The following CUL5 variants were observed in gnomAD, a reference collection of about 807,000 sequenced individuals.
CUL5 encodes the protein cullin-5.
CUL5 carries 26 observed loss-of-function variants against 108.8 expected under a neutral mutation model. That is an observed-to-expected ratio of 0.24 (90% confidence interval 0.18 to 0.33). The LOEUF is 0.33. Ranked by LOEUF, CUL5 falls within the 10% of genes least tolerant of loss-of-function variation. The pLI, the probability that CUL5 is intolerant of heterozygous loss-of-function variation, is 1.00. For missense variants in CUL5, 524 were observed against 909.2 expected, an observed-to-expected ratio of 0.58 and a Z score of 5.45; for synonymous variants, 334 against 298.0, an observed-to-expected ratio of 1.12 and a Z score of -1.25.
rs1465665144 is a variant in CUL5, at chr11:108,008,954, T to G, written c.-395T>G. 1 of 206,320 alleles carries G rather than the reference T, an allele frequency of 4.8e-6. No individual in the cohort carries two copies. The highest frequency in any genetic ancestry group is 9.8e-6 in the Non-Finnish European group (1 of 102,080). 12.8% of individuals were successfully genotyped at this position (206,320 alleles called of 1,614,324 possible). ...GCCGCGGAACCTGAGCTGCGGGGCC[T>G]AAGCCGAGCTAAATTCGTTGCAGGT... On this transcript the variant is annotated 5_prime_UTR_variant, in exon 1 of 19. Coordinates refer to ENST00000393094, the MANE Select transcript of CUL5 (RefSeq NM_003478.6).
chr11:108,072,586 T>TG (rs1411089710), intron 9 of CUL5, 124 bp downstream of exon 9: 12 of 707,938 alleles, frequency 1.7e-5, no homozygotes, highest in Non-Finnish European at 2.5e-5. Flanking sequence ...GGTTGGTTAG[T>TG]GGGGTATAAA....
At chr11:108,025,917 G>A (rs1862441928) in intron 1 of CUL5, among the ~76,000 whole-genome samples, 2 of 152,114 alleles carry the variant, frequency 1.3e-5, no homozygotes, top group South Asian at 2.1e-4. Context: ...CAGTATGTTT[G>A]GACATTTGTA....
At chr11:108,059,710 C>T (rs1565251438) in intron 7 of CUL5, among the ~76,000 whole-genome samples, 1 of 151,614 alleles carries the variant, frequency 6.6e-6, no homozygotes, top group Non-Finnish European at 1.5e-5. Flanking sequence ...AACCCTGTCT[C>T]TACTAAAAAA....
chr11:108,065,381 A>G (rs1216018569), intron 7 of CUL5, among the ~76,000 whole-genome samples: 1 of 152,162 alleles, frequency 6.6e-6, no homozygotes, highest in East Asian at 1.9e-4. Context: ...TAGAAGTTAC[A>G]GTCCTTGTGG....
chr11:108,067,527 C>A (rs1482091177), intron 7 of CUL5, among the ~76,000 whole-genome samples: 10 of 151,838 alleles, frequency 6.6e-5, no homozygotes, highest in Admixed American at 6.6e-4. Context: ...ATTTTTTGTT[C>A]TGTCCTATGT....
chr11:108,102,769 A>G (rs1297111211), intron 18 of CUL5, among the ~76,000 whole-genome samples: 1 of 152,136 alleles, frequency 6.6e-6, no homozygotes, highest in Admixed American at 6.5e-5. Context: ...CTATTTTGAC[A>G]TTTCTTTTAC....
intron 10 of CUL5, among the ~76,000 whole-genome samples, chr11:108,074,383 C>T (rs921659764): frequency 8.6e-5 from 13 of 151,458 alleles, no homozygotes; most frequent in African/African-American, 2.4e-4. Flanking sequence ...TTACTACAGA[C>T]GGGGTTTCAC....
chr11:108,041,576 C>T (rs1199192351), intron 2 of CUL5, among the ~76,000 whole-genome samples: 1 of 151,412 alleles, frequency 6.6e-6, no homozygotes, highest in Non-Finnish European at 1.5e-5. Flanking sequence ...ATGCCCACAC[C>T]CGGCCTGGTT....
At chr11:108,061,827 G>A (rs763016270) in intron 7 of CUL5, among the ~76,000 whole-genome samples, 2 of 152,140 alleles carry the variant, frequency 1.3e-5, no homozygotes, top group Non-Finnish European at 2.9e-5. Flanking sequence ...TGGCCTGGGA[G>A]TCCTCAGGAA....
At chr11:108,087,447 T>A (rs548449275) in intron 11 of CUL5, among the ~76,000 whole-genome samples, 1 of 152,320 alleles carries the variant, frequency 6.6e-6, no homozygotes. Flanking sequence ...TTTACATATA[T>A]TTTTAGAGAA....
chr11:108,074,840 T>C (rs1023504448), intron 10 of CUL5, among the ~76,000 whole-genome samples: 1 of 151,620 alleles, frequency 6.6e-6, no homozygotes, highest in Non-Finnish European at 1.5e-5. Context: ...AACAAATAAG[T>C]AGGTAAAGTA....
intron 3 of CUL5, 98 bp downstream of exon 3, chr11:108,046,467 A>T (rs1224731025): frequency 1.6e-6 from 1 of 640,956 alleles, no homozygotes; most frequent in East Asian, 2.9e-5. Context: ...GTAATTTCAA[A>T]ATATTGCATT....
intron 4 of CUL5, among the ~76,000 whole-genome samples, chr11:108,050,587 C>T (rs1278405627): frequency 2.0e-5 from 3 of 152,222 alleles, no homozygotes; most frequent in South Asian, 2.1e-4. Flanking sequence ...AGGCTCGTCT[C>T]GAACTCCTGA....
At chr11:108,018,726 C>T (rs182637241) in intron 1 of CUL5, among the ~76,000 whole-genome samples, 23 of 152,052 alleles carry the variant, frequency 1.5e-4, no homozygotes, top group African/African-American at 5.1e-4. Context: ...ATGTGGCACC[C>T]GCACACATTT....
At chr11:108,076,120 C>T (rs972824160) in intron 10 of CUL5, among the ~76,000 whole-genome samples, 4 of 152,126 alleles carry the variant, frequency 2.6e-5, no homozygotes, top group Admixed American at 6.6e-5. Flanking sequence ...GAGCTTCGAC[C>T]CCTCTGGGCT....
rs118044691 is a variant in CUL5 at position 108,040,470 on chromosome 11, G to A, written c.135-5800G>A. 4.1e-3 allele frequency among the ~76,000 whole-genome samples: 620 copies of A among 152,214 alleles called. 4 individuals are homozygous for A. Among genetic ancestry groups the A allele is most frequent in the Middle Eastern group, 0.017 (5 of 294 alleles). ...TTACTAAAAATACAAAAATCGGCTG[G>A]GTGTGGTGTTGTGCACCTGTAATCC... On this transcript the variant is annotated intron_variant, in intron 2 of 18. Transcript: ENST00000393094.
chr11:108,028,547 T>C (rs1466858264), intron 1 of CUL5, among the ~76,000 whole-genome samples: 1 of 152,122 alleles, frequency 6.6e-6, no homozygotes, highest in Non-Finnish European at 1.5e-5. Flanking sequence ...AATAAGATTA[T>C]GACACTTCAG....
At chr11:108,073,082 G>C (rs1030322215) in intron 9 of CUL5, among the ~76,000 whole-genome samples, 1 of 151,772 alleles carries the variant, frequency 6.6e-6, no homozygotes, top group Admixed American at 6.6e-5. Context: ...GGCGCCTATA[G>C]TCCCAGCTAC....
At chr11:108,033,225 A>G (rs1411353853) in intron 1 of CUL5, among the ~76,000 whole-genome samples, 4 of 152,208 alleles carry the variant, frequency 2.6e-5, no homozygotes, top group Non-Finnish European at 5.9e-5. Flanking sequence ...GTATGACAGT[A>G]TGCACGAGTA....
Sources: gnomAD v4.1 joint callset for allele counts (sites outside exome capture counted in the v4.1 genomes callset) on GRCh38, gnomAD v4.1.1 for gene constraint, MANE v1.5 for transcripts, NCBI Gene and HGNC (gene_info 2026-07-23, HGNC 2026-07-21) for gene names.